TMEM182: variants seen among roughly 807,000 people sequenced by gnomAD.
TMEM182 encodes transmembrane protein 182.
In TMEM182, 20 loss-of-function variants were observed where a neutral mutation model predicts 26.8. The observed-to-expected ratio is 0.75, with a 90% CI of 0.53 to 1.09. The LOEUF (loss-of-function observed/expected upper bound fraction) is 1.09. Ranked by LOEUF, TMEM182 falls within the 50% of genes least tolerant of loss-of-function variation. The pLI is 0.00. For synonymous variants in TMEM182, 109 were observed against 102.2 expected (o/e 1.07, Z -0.40); for missense variants, 277 against 275.5 (o/e 1.01, Z -0.04).
At chr2:102,827,223 A>G (rs1014937823) in intron 3 of TMEM182, among the ~76,000 whole-genome samples, 3 of 152,238 alleles carry the variant, frequency 2.0e-5, no homozygotes, top group Non-Finnish European at 2.9e-5. Context: ...CTGAAAATCA[A>G]TGTGAAGCCA....
intron 1 of TMEM182, among the ~76,000 whole-genome samples, chr2:102,749,678 A>G (rs552336583): frequency 6.6e-6 from 1 of 152,190 alleles, no homozygotes; most frequent in Non-Finnish European, 1.5e-5. Context: ...ATAATTATGT[A>G]CAAAAGAGCA....
At chr2:102,784,319 C>T (rs988567793) in intron 3 of TMEM182, among the ~76,000 whole-genome samples, 2 of 151,854 alleles carry the variant, frequency 1.3e-5, no homozygotes, top group Non-Finnish European at 1.5e-5. Context: ...AAATATAAGG[C>T]TCTGTAAGAA....
chr2:102,772,155 T>C (rs1680702165), intron 3 of TMEM182, among the ~76,000 whole-genome samples: 1 of 152,222 alleles, frequency 6.6e-6, no homozygotes, highest in African/African-American at 2.4e-5. Context: ...AGGAGCTGTC[T>C]GGGCCTCTCT....
chr2:102,782,844 G>A (rs1438506433), intron 3 of TMEM182, among the ~76,000 whole-genome samples: 1 of 151,974 alleles, frequency 6.6e-6, no homozygotes, highest in Admixed American at 6.6e-5. Context: ...TTTCTATTTA[G>A]AAACAAGTTT....
intron 4 of TMEM182, among the ~76,000 whole-genome samples, chr2:102,814,086 GTA>G (rs3080288): frequency 0.33 from 48,305 of 148,348 alleles, 7,828 homozygotes; most frequent in South Asian, 0.42. Context: ...TCTTTAGTGT[GTA>G]TATATATATA....
At chr2:102,763,547 A>G (rs1366407164) in intron 2 of TMEM182, among the ~76,000 whole-genome samples, 8 of 152,200 alleles carry the variant, frequency 5.3e-5, no homozygotes, top group Non-Finnish European at 8.8e-5. Context: ...CAAGCTGGTG[A>G]TAAGTTGGCA....
chr2:102,799,187 G>A (rs1219785501), intron 4 of TMEM182, among the ~76,000 whole-genome samples: 3 of 152,208 alleles, frequency 2.0e-5, no homozygotes, highest in Non-Finnish European at 2.9e-5. Flanking sequence ...GTGCTCCTAG[G>A]TGACACTGTA....
At chr2:102,744,676 G>T (rs573320070) in intron 1 of TMEM182, among the ~76,000 whole-genome samples, 2 of 152,116 alleles carry the variant, frequency 1.3e-5, no homozygotes, top group African/African-American at 4.8e-5. Flanking sequence ...CAGAATTCTA[G>T]ATTGACAAGT....
At chr2:102,765,663 A>G (rs2104663514) in intron 3 of TMEM182, among the ~76,000 whole-genome samples, 1 of 152,328 alleles carries the variant, frequency 6.6e-6, no homozygotes, top group South Asian at 2.1e-4. Context: ...GTTTTGTCAA[A>G]GAATGTAACA....
chr2:102,763,301 A>G (rs373266837), intron 2 of TMEM182, among the ~76,000 whole-genome samples: 4 of 152,206 alleles, frequency 2.6e-5, no homozygotes, highest in Non-Finnish European at 4.4e-5. Context: ...TTTAAAAACT[A>G]TAATGCATTT....
chr2:102,827,574 G>A (rs1178813635), intron 3 of TMEM182, among the ~76,000 whole-genome samples: 1 of 152,002 alleles, frequency 6.6e-6, no homozygotes, highest in Admixed American at 6.5e-5. Context: ...CTTTCAAATC[G>A]AAGTACTTCG....
chr2:102,774,250 CTTTTTT>C (rs774047240), intron 3 of TMEM182, among the ~76,000 whole-genome samples: 30 of 96,136 alleles, frequency 3.1e-4, no homozygotes, highest in African/African-American at 1.3e-3. Flanking sequence ...TTCTTTCTTT[CTTTTTT>C]TTTTTTTTTT....
chr2:102,825,736 G>T (rs1683019284), intron 3 of TMEM182, among the ~76,000 whole-genome samples: 1 of 152,242 alleles, frequency 6.6e-6, no homozygotes, highest in Non-Finnish European at 1.5e-5. Flanking sequence ...CACAGTGGCA[G>T]TGATTGTGAT....
At chr2:102,814,625 G>A (rs1682674054) in intron 4 of TMEM182, 123 bp from the exon 5 acceptor site, 1 of 780,020 alleles carries the variant, frequency 1.3e-6, no homozygotes, top group Admixed American at 2.8e-5. Flanking sequence ...CTGACGTAGA[G>A]TATTTGATTT....
In TMEM182 at chr2:102,797,990, T is replaced by C. The variant is rs750893058; in HGVS notation, c.459T>C (p.Tyr153=). The change falls in exon 4 of 5, where the codon TAT becomes TAC. Residue 153 remains tyrosine, a synonymous_variant. Coordinates refer to ENST00000412401, the MANE Select transcript of TMEM182 (RefSeq NM_144632.5). ...TCTACAAAGCTGGGGGAGGCTCATA[T>C]ATTGCTGCAGGTACGTACGGTGCAA... ...HFLYKAGGGS[Y]IAAGILFSLV... The C allele has an allele frequency of 5.0e-6, 8 of 1,613,796 alleles. No homozygotes were observed. Among genetic ancestry groups the C allele is most frequent in the Admixed American group, 1.7e-5 (1 of 59,920 alleles).
rs374142235 is a variant in TMEM182 at position 102,839,846 on chromosome 2, G to C, written c.326-3566G>C. Among the ~76,000 whole-genome samples, 19 of 152,234 alleles carry C rather than the reference G, an allele frequency of 1.2e-4. No homozygotes were observed. The South Asian group carries it at 3.5e-3, about 28-fold the overall frequency. On this transcript the variant is annotated intron_variant, in intron 3 of 3. Coordinates refer to the TMEM182 transcript ENST00000486293. ...GTCAGAAGCCCAGCAATTCTACAAG[G>C]GAAGCACAGAAGGTTAGAGGATCCC...
intron 3 of TMEM182, among the ~76,000 whole-genome samples, chr2:102,766,965 G>C (rs1201762970): frequency 1.3e-5 from 2 of 152,118 alleles, no homozygotes; most frequent in African/African-American, 4.8e-5. Flanking sequence ...TTTATAATAA[G>C]GAGACTGGGA....
chr2:102,760,279 G>A (rs887780894), upstream of TMEM182, among the ~76,000 whole-genome samples: 3 of 152,092 alleles, frequency 2.0e-5, no homozygotes, highest in African/African-American at 7.2e-5. Flanking sequence ...TGAGGCGTGG[G>A]TGATGGCTAT....
intron 3 of TMEM182, among the ~76,000 whole-genome samples, chr2:102,833,480 TG>T (rs1466574482): frequency 6.6e-6 from 1 of 152,144 alleles, no homozygotes; most frequent in Non-Finnish European, 1.5e-5. Context: ...GCAAAGAGAA[TG>T]GAGTGCTCCC....
Sources: gnomAD v4.1 joint callset for allele counts (sites outside exome capture counted in the v4.1 genomes callset) on GRCh38, gnomAD v4.1.1 for gene constraint, MANE v1.5 for transcripts, NCBI Gene and HGNC (gene_info 2026-07-23, HGNC 2026-07-21) for gene names.